DDX31: variants seen among roughly 807,000 people sequenced by gnomAD.
DDX31 encodes the protein DEAD-box helicase 31.
In DDX31, 70 loss-of-function variants were observed where a neutral mutation model predicts 91.3. The ratio of observed to expected loss-of-function variants is 0.77; its 90% confidence interval spans 0.63 to 0.94. The LOEUF (loss-of-function observed/expected upper bound fraction) is 0.94. DDX31 is among the 40% of genes least tolerant of loss of function. The pLI is 0.00. For missense variants in DDX31, 902 were observed against 925.0 expected (o/e 0.98, Z 0.32); for synonymous variants, 362 against 350.6 (o/e 1.03, Z -0.36).
intron 14 of DDX31, among the ~76,000 whole-genome samples, chr9:132,633,211 A>G (rs899932793): frequency 2.0e-5 from 3 of 152,206 alleles, no homozygotes; most frequent in African/African-American, 7.2e-5. Flanking sequence ...TTTCAAGGCC[A>G]TATTATATTA....
At chr9:132,612,501 G>T (rs1831406901) in intron 18 of DDX31, among the ~76,000 whole-genome samples, 1 of 152,196 alleles carries the variant, frequency 6.6e-6, no homozygotes, top group African/African-American at 2.4e-5. Context: ...TAAAATATCA[G>T]ATTTGACCAC....
At chr9:132,648,621 A>T in intron 9 of DDX31, 70 bp from the exon 10 acceptor site, 1 of 1,529,384 alleles carries the variant, frequency 6.5e-7, no homozygotes, top group African/African-American at 1.4e-5. Flanking sequence ...ACACAGGAAA[A>T]AGGCAAAATA....
chr9:132,595,255 T>G lies in DDX31; in HGVS notation c.1995-143A>C. The G allele has an allele frequency of 2.0e-6, 2 of 1,020,218 alleles. No homozygotes were observed. Among genetic ancestry groups the G allele is most frequent in the South Asian group, 3.4e-5 (2 of 58,180 alleles). 63.2% of individuals were successfully genotyped at this position (1,020,218 alleles called of 1,614,324 possible). A position where few individuals can be genotyped will look rare whatever the true frequency, so the allele number is the denominator to read the frequency against. ...GAAGTACAATCCCTTCAATAGTACT[T>G]GTTTTGATATTCGATGCACCAGAAG... On this transcript the variant is annotated intron_variant, in intron 19 of 19. Coordinates refer to ENST00000372159, the MANE Select transcript of DDX31 (RefSeq NM_022779.9). The surrounding 1 kb of genome is among the most constrained non-coding windows in gnomAD (Gnocchi z 4.6).
chr9:132,615,459 G>C (rs1380093489), intron 18 of DDX31, among the ~76,000 whole-genome samples: 1 of 152,112 alleles, frequency 6.6e-6, no homozygotes, highest in African/African-American at 2.4e-5. Flanking sequence ...GGAGGAAAAG[G>C]AGGTTCCCTG....
intron 18 of DDX31, among the ~76,000 whole-genome samples, chr9:132,616,457 T>G (rs1230520325): frequency 6.6e-6 from 1 of 152,226 alleles, no homozygotes; most frequent in Non-Finnish European, 1.5e-5. Context: ...CCGAGACACC[T>G]TGAAATAGTT....
chr9:132,669,974 T>A lies in DDX31; in HGVS notation c.-40A>T. 6.3e-7 allele frequency: 1 copy of A among 1,575,636 alleles called. No homozygotes were observed. Among genetic ancestry groups the A allele is most frequent in the Non-Finnish European group, 8.6e-7 (1 of 1,161,810 alleles). ...ACGCGTGGTGCAGCAGCGAGCCCGGTGCGCAGACTGCTGGGCCCGGGACCC... is the reference window on the plus strand; with the variant it reads ...ACGCGTGGTGCAGCAGCGAGCCCGGAGCGCAGACTGCTGGGCCCGGGACCC... On this transcript the variant is annotated 5_prime_UTR_variant, in exon 1 of 20. Coordinates refer to ENST00000372159, the MANE Select transcript of DDX31 (RefSeq NM_022779.9).
intron 19 of DDX31, among the ~76,000 whole-genome samples, chr9:132,597,448 G>T (rs929105804): frequency 2.6e-5 from 4 of 152,222 alleles, no homozygotes; most frequent in African/African-American, 9.6e-5. Flanking sequence ...CCTCTTGTTT[G>T]AAGCCAGGTT....
chr9:132,623,070 C>T lies in DDX31; in HGVS notation c.1713+2594G>A, dbSNP rs958518937. Among the ~76,000 whole-genome samples, 3 of 147,732 alleles carry T rather than the reference C, an allele frequency of 2.0e-5. No individual in the cohort carries two copies. The Admixed American group carries it at 2.0e-4, about 10-fold the overall frequency. On this transcript the variant is annotated intron_variant, in intron 17 of 19. Coordinates refer to ENST00000372159, the MANE Select transcript of DDX31 (RefSeq NM_022779.9). Reference sequence around the variant, plus strand: ...GGTGGAACCCAGGAGGCAGAGGTTGCAATAAGCTGAGGTCACGCCAGTGCA... The same window carrying T: ...GGTGGAACCCAGGAGGCAGAGGTTGTAATAAGCTGAGGTCACGCCAGTGCA...
At chr9:132,658,919 A>G (rs1291341978) in intron 5 of DDX31, among the ~76,000 whole-genome samples, 184 bp from the exon 6 acceptor site, 1 of 152,204 alleles carries the variant, frequency 6.6e-6, no homozygotes, top group Non-Finnish European at 1.5e-5. Context: ...CACAAATCCC[A>G]ATTTTGCTTT....
At chr9:132,650,164 C>T (rs1834093087) in intron 9 of DDX31, 70 bp downstream of exon 9, 2 of 1,463,488 alleles carry the variant, frequency 1.4e-6, no homozygotes. Flanking sequence ...TTTAGAAGGA[C>T]CCAGCCTTAC....
chr9:132,626,772 A>G (rs3433), intron 16 of DDX31, among the ~76,000 whole-genome samples: 45,571 of 151,874 alleles, frequency 0.3, 7,167 homozygotes, highest in Middle Eastern at 0.42. Context: ...CGTCTCTGAC[A>G]GCGATTTACC....
chr9:132,613,310 T>G (rs2119314766), intron 18 of DDX31, among the ~76,000 whole-genome samples: 1 of 152,306 alleles, frequency 6.6e-6, no homozygotes, highest in South Asian at 2.1e-4. Context: ...AGAAAACTAC[T>G]AAGTCTCTAA....
intron 19 of DDX31, among the ~76,000 whole-genome samples, chr9:132,603,376 C>G (rs1830825706): frequency 6.6e-6 from 1 of 152,196 alleles, no homozygotes; most frequent in South Asian, 2.1e-4. Context: ...TGGAAAGGCT[C>G]TGACATCATG....
At chr9:132,665,516 A>T (rs1257120193) in intron 1 of DDX31, among the ~76,000 whole-genome samples, 1 of 152,190 alleles carries the variant, frequency 6.6e-6, no homozygotes, top group Non-Finnish European at 1.5e-5. Context: ...AAGGAGAGGG[A>T]GGCAAGAAAA....
At chr9:132,637,952 C>T (rs1364269537) in intron 14 of DDX31, 6 of 1,008,896 alleles carry the variant, frequency 5.9e-6, no homozygotes, top group Non-Finnish European at 7.1e-6. Flanking sequence ...CCTCCTGGCA[C>T]GGTGGAAATT....
At chr9:132,608,702 A>G (rs1831161442) in intron 19 of DDX31, among the ~76,000 whole-genome samples, 1 of 152,188 alleles carries the variant, frequency 6.6e-6, no homozygotes, top group Non-Finnish European at 1.5e-5. Context: ...CCATTATTTT[A>G]TTCACCCATA....
At position 132,669,599 on chromosome 9, in the gene DDX31, CCTTTA is replaced by C. The variant is rs1368520191; in HGVS notation, c.75+256_75+260del. Reference sequence around the variant, plus strand: ...CACGGGAAACAGCCTCTAATTCCTTCCTTTACTTTTCTAGGCGCAGGAGCCAGCTC... The same window carrying C: ...CACGGGAAACAGCCTCTAATTCCTTCCTTTTCTAGGCGCAGGAGCCAGCTC... On this transcript the variant is annotated intron_variant, in intron 1 of 19. Coordinates refer to ENST00000372159, the MANE Select transcript of DDX31 (RefSeq NM_022779.9). The C allele has an allele frequency of 5.3e-6, 8 of 1,509,822 alleles. No homozygotes were observed. The East Asian group carries it at 1.5e-4, about 29-fold the overall frequency. 93.5% of individuals were successfully genotyped at this position (1,509,822 alleles called of 1,614,324 possible).
intron 14 of DDX31, among the ~76,000 whole-genome samples, 163 bp from the exon 15 acceptor site, chr9:132,632,254 A>ACACACACACACACACACAGTCCTG: frequency 1.0e-5 from 1 of 99,080 alleles, no homozygotes; most frequent in Non-Finnish European, 1.9e-5. Context: ...ACACACACAC[A>ACACACACACACACACACAGTCCTG]CACACACACA....
chr9:132,622,660 G>C (rs1000950701), intron 17 of DDX31, among the ~76,000 whole-genome samples: 1 of 152,200 alleles, frequency 6.6e-6, no homozygotes, highest in African/African-American at 2.4e-5. Flanking sequence ...CTATCTCATT[G>C]TGTAATTGTA....
Sources: allele counts gnomAD v4.1 joint callset (sites outside exome capture counted in the v4.1 genomes callset), GRCh38; gene constraint gnomAD v4.1.1; non-coding constraint Gnocchi (gnomAD v3.1); transcripts MANE v1.5; gene names NCBI Gene and HGNC (gene_info 2026-07-23, HGNC 2026-07-21).